DST: variants seen among roughly 807,000 people sequenced by gnomAD.
The protein encoded by DST is dystonin.
DST carries 253 observed loss-of-function variants against 875.2 expected under a neutral mutation model. The observed-to-expected ratio is 0.29, with a 90% CI of 0.26 to 0.32. The LOEUF (loss-of-function observed/expected upper bound fraction) is 0.32, where lower values mean the gene tolerates loss of function less well. Among genes scored for constraint, DST ranks in the 10% least tolerant of loss-of-function variants. DST has a pLI of 1.00. For missense variants in DST, 8,287 were observed against 9,111.6 expected (o/e 0.91, Z 3.68); for synonymous variants, 3,124 against 3,197.1 (o/e 0.98, Z 0.77).
At chr6:56,490,111 G>C (rs1217963085) in intron 85 of DST, among the ~76,000 whole-genome samples, 30 of 152,084 alleles carry the variant, frequency 2.0e-4, no homozygotes. Context: ...ACAAAAAAGA[G>C]GCCATTGCAT....
At chr6:56,891,565 C>CAA (rs531964301) in intron 3 of DST, among the ~76,000 whole-genome samples, 53 of 62,440 alleles carry the variant, frequency 8.5e-4, no homozygotes, top group South Asian at 1.4e-3. Context: ...GACTCCGTCT[C>CAA]AAAAAAAAAA....
At chr6:56,474,510 T>A (rs988265608) in intron 92 of DST, among the ~76,000 whole-genome samples, 5 of 151,388 alleles carry the variant, frequency 3.3e-5, no homozygotes, top group African/African-American at 9.7e-5. Context: ...AATAAATAAA[T>A]AAAATGTTAA....
intron 4 of DST, among the ~76,000 whole-genome samples, chr6:56,800,596 C>G (rs972949247): frequency 1.3e-5 from 2 of 152,038 alleles, no homozygotes; most frequent in African/African-American, 4.8e-5. Flanking sequence ...TAGGTTTTGT[C>G]TGGTGGAAGA....
chr6:56,677,921 A>C (rs981407697), intron 9 of DST, among the ~76,000 whole-genome samples: 3 of 152,200 alleles, frequency 2.0e-5, no homozygotes, highest in African/African-American at 7.2e-5. Flanking sequence ...AACTGCTTTT[A>C]TCTTTTTACT....
intron 3 of DST, chr6:56,871,624 A>G: frequency 1.3e-6 from 1 of 759,558 alleles, no homozygotes; most frequent in Non-Finnish European, 2.4e-6. Context: ...TCTCTCTGCC[A>G]CATCGAGATG....
Position 56,634,867 on chromosome 6 carries a change from C to G in DST, c.3273G>C (p.Arg1091Ser). The change falls in exon 25 of 104, where the codon AGG becomes AGC. Residue 1091 changes from arginine to serine, a missense_variant. Arg to Ser is a moderately radical substitution (Grantham distance 110). Transcript: ENST00000680361. ...AAGTTTTGAGTGGACAGTCAGAATT[C>G]CTTGGCTTCAGTTGAATTATTGTTT... is the stretch of plus-strand genomic sequence containing the variant. ...KAKTIIQLKP[R>S]NSDCPLKTSI... 1.2e-6 allele frequency: 2 copies of G among 1,613,910 alleles called. No homozygotes were observed. Among genetic ancestry groups the G allele is most frequent in the Non-Finnish European group, 1.7e-6 (2 of 1,179,928 alleles).
At chr6:56,687,662 T>C (rs1455467113) in intron 9 of DST, among the ~76,000 whole-genome samples, 1 of 152,104 alleles carries the variant, frequency 6.6e-6, no homozygotes, top group Non-Finnish European at 1.5e-5. Context: ...ATTGAATTTG[T>C]CAACACAGGC....
intron 10 of DST, chr6:56,670,391 G>T (rs907843550): frequency 3.7e-5 from 10 of 272,702 alleles, no homozygotes; most frequent in African/African-American, 2.2e-4. Flanking sequence ...TAGAGAGAGG[G>T]TTTTACCCTT....
intron 2 of DST, among the ~76,000 whole-genome samples, chr6:56,911,954 T>C (rs749002491): frequency 7.6e-5 from 9 of 118,448 alleles, no homozygotes; most frequent in Non-Finnish European, 1.5e-4. Context: ...GATCTATAAT[T>C]TTTCTGGTCA....
chr6:56,500,933 A>T, intron 80 of DST, 147 bp downstream of exon 80: 1 of 729,442 alleles, frequency 1.4e-6, no homozygotes, highest in Non-Finnish European at 2.1e-6. Context: ...TGTTTTAAGT[A>T]GTTAACCTTT....
chr6:56,541,189 A>G (rs533632464), intron 61 of DST: 3 of 152,610 alleles, frequency 2.0e-5, no homozygotes, highest in Non-Finnish European at 4.4e-5. Context: ...TCTTTTCCGC[A>G]TGAGATTTGG....
intron 3 of DST, among the ~76,000 whole-genome samples, chr6:56,886,636 G>A (rs934049230): frequency 2.0e-5 from 3 of 152,156 alleles, no homozygotes; most frequent in Admixed American, 6.5e-5. Flanking sequence ...TTAGCTGGGT[G>A]TGGTGGCACA....
At chr6:56,681,483 T>C (rs1195269377) in intron 9 of DST, among the ~76,000 whole-genome samples, 1 of 152,198 alleles carries the variant, frequency 6.6e-6, no homozygotes. Context: ...CCTCCACTCA[T>C]CCTTCTCCTT....
intron 5 of DST, among the ~76,000 whole-genome samples, chr6:56,724,934 G>C (rs987456661): frequency 6.6e-6 from 1 of 151,786 alleles, no homozygotes; most frequent in African/African-American, 2.4e-5. Flanking sequence ...CAATCTTAAG[G>C]GTCTATAGAT....
chr6:56,492,535 C>T (rs960076226), intron 84 of DST, 102 bp from the exon 85 acceptor site: 57 of 1,175,436 alleles, frequency 4.8e-5, no homozygotes, highest in Middle Eastern at 5.7e-4. Flanking sequence ...AAAGGACAAA[C>T]GAAAGCTTTC....
intron 99 of DST, 63 bp from the exon 100 acceptor site, chr6:56,464,819 A>C: frequency 7.9e-7 from 1 of 1,270,516 alleles, no homozygotes; most frequent in Non-Finnish European, 1.1e-6. Flanking sequence ...AGAAGAAACA[A>C]AGTACAGTAG....
chr6:56,630,445 T>C lies in DST; in HGVS notation c.4143-62A>G, dbSNP rs1424454617. 12 of 1,403,188 alleles carry C rather than the reference T, an allele frequency of 8.6e-6. No individual in the cohort carries two copies. The African/African-American group carries it at 1.4e-4, about 16-fold the overall frequency. 86.9% of individuals were successfully genotyped at this position (1,403,188 alleles called of 1,614,324 possible). A position where few individuals can be genotyped will look rare whatever the true frequency, so the allele number is the denominator to read the frequency against. On this transcript the variant is annotated intron_variant, in intron 30 of 103. Transcript: ENST00000680361. ...AAATGTTTATTTTTGCATAATGTAG[T>C]CCTGAAGCACCATTATGACACATGA...
chr6:56,674,890 G>A (rs144326063), intron 9 of DST, among the ~76,000 whole-genome samples: 131 of 152,154 alleles, frequency 8.6e-4, no homozygotes, highest in Non-Finnish European at 1.4e-3. Context: ...ATGACACTTC[G>A]CACAGAAATA....
At chr6:56,671,211 TAAACCA>T (rs1343978886) in intron 9 of DST, among the ~76,000 whole-genome samples, 1 of 152,232 alleles carries the variant, frequency 6.6e-6, no homozygotes, top group African/African-American at 2.4e-5. Flanking sequence ...CTCTTTTTAC[TAAACCA>T]AAACTCTACA....
Sources: allele counts gnomAD v4.1 joint callset (sites outside exome capture counted in the v4.1 genomes callset), GRCh38; gene constraint gnomAD v4.1.1; transcripts MANE v1.5; gene names NCBI Gene and HGNC (gene_info 2026-07-23, HGNC 2026-07-21).